The following CWC27 variants were observed in gnomAD, a reference collection of about 807,000 sequenced individuals.
CWC27 encodes the protein CWC27 spliceosome associated cyclophilin, also known as spliceosome-associated protein CWC27 homolog.
A neutral mutation model predicts 63.6 loss-of-function variants in CWC27; 47 were observed. That is an observed-to-expected ratio of 0.74 (90% CI 0.58 to 0.94). The LOEUF (loss-of-function observed/expected upper bound fraction) is 0.94, where lower values mean the gene tolerates loss of function less well. CWC27 is among the 40% of genes least tolerant of loss of function. The probability of loss-of-function intolerance (pLI) is 0.00; values close to 1 mark genes in which losing one functional copy is unlikely to be tolerated. For synonymous variants in CWC27, 175 were observed against 179.8 expected, an observed-to-expected ratio of 0.97 and a Z score of 0.22; for missense variants, 495 against 554.3, an observed-to-expected ratio of 0.89 and a Z score of 1.07.
At chr5:64,827,126 A>G (rs73101344) in intron 10 of CWC27, among the ~76,000 whole-genome samples, 2,707 of 152,236 alleles carry the variant, frequency 0.018, 68 homozygotes, top group African/African-American at 0.061. Flanking sequence ...GATTCCCCCA[A>G]TCCTCTAAAT....
intron 10 of CWC27, among the ~76,000 whole-genome samples, chr5:64,818,445 C>CT (rs1745105930): frequency 6.6e-6 from 1 of 152,130 alleles, no homozygotes; most frequent in Non-Finnish European, 1.5e-5. Flanking sequence ...TCCGGATATG[C>CT]TTTTTTTGCT....
At position 64,873,968 on chromosome 5, in the gene CWC27, T is replaced by A. The variant is rs559645045; in HGVS notation, c.939-11475T>A. 5.3e-5 allele frequency among the ~76,000 whole-genome samples: 8 copies of A among 152,218 alleles called. No homozygotes were observed. In the South Asian group the frequency reaches 1.2e-3, roughly 24 times the overall value. ...ATGTTCTTGGTGCTTTTGTTGAAAA[T>A]CAGTTGACTGTAAATATGTGTGATA... On this transcript the variant is annotated intron_variant, in intron 10 of 13. Coordinates refer to ENST00000381070, the MANE Select transcript of CWC27 (RefSeq NM_005869.4).
chr5:64,903,932 T>A (rs1747566063), intron 11 of CWC27, among the ~76,000 whole-genome samples: 1 of 152,198 alleles, frequency 6.6e-6, no homozygotes, highest in African/African-American at 2.4e-5. Flanking sequence ...CAAATAATAT[T>A]CCATTGTATG....
At chr5:64,826,269 A>G (rs1324500220) in intron 10 of CWC27, among the ~76,000 whole-genome samples, 4 of 152,152 alleles carry the variant, frequency 2.6e-5, no homozygotes, top group Non-Finnish European at 2.9e-5. Context: ...ATTTAGAAGT[A>G]TGCTGTTTAA....
At chr5:64,787,010 G>T (rs932694028) in intron 6 of CWC27, among the ~76,000 whole-genome samples, 6 of 152,098 alleles carry the variant, frequency 3.9e-5, no homozygotes, top group African/African-American at 1.4e-4. Flanking sequence ...AAGGCAGCAG[G>T]GGAGAGAGCG....
chr5:64,966,467 C>T (rs1734203489), intron 11 of CWC27, among the ~76,000 whole-genome samples: 1 of 152,114 alleles, frequency 6.6e-6, no homozygotes, highest in Non-Finnish European at 1.5e-5. Context: ...ACATGTCAGA[C>T]AGTATTTTAT....
At chr5:64,899,513 A>G (rs1279224808) in intron 11 of CWC27, among the ~76,000 whole-genome samples, 1 of 152,234 alleles carries the variant, frequency 6.6e-6, no homozygotes, top group Non-Finnish European at 1.5e-5. Context: ...GTATGAATCT[A>G]TGACAACACG....
At chr5:64,813,398 A>G (rs1744942442) in intron 10 of CWC27, among the ~76,000 whole-genome samples, 1 of 152,210 alleles carries the variant, frequency 6.6e-6, no homozygotes, top group African/African-American at 2.4e-5. Context: ...ACAAACAAAA[A>G]AAATCCTTGA....
chr5:64,825,442 G>A (rs1275808401), intron 10 of CWC27, among the ~76,000 whole-genome samples: 1 of 152,182 alleles, frequency 6.6e-6, no homozygotes, highest in Non-Finnish European at 1.5e-5. Context: ...AGTTTCCTAT[G>A]TTATTAAAAG....
chr5:64,897,385 C>A (rs1157638636), intron 11 of CWC27, among the ~76,000 whole-genome samples: 1 of 152,164 alleles, frequency 6.6e-6, no homozygotes, highest in Non-Finnish European at 1.5e-5. Context: ...CACATATACA[C>A]CATGGAATAC....
Position 64,884,536 on chromosome 5 carries a change from C to A in CWC27, c.939-907C>A, listed in dbSNP as rs552735091. ...TATCTAGACTTCAGATTCCACTAAACCTTGGCTTTAATATCTTTGATAAAC... is the reference window on the plus strand; with the variant it reads ...TATCTAGACTTCAGATTCCACTAAAACTTGGCTTTAATATCTTTGATAAAC... On this transcript the variant is annotated intron_variant, in intron 10 of 13. Transcript: ENST00000381070. 7.9e-5 allele frequency among the ~76,000 whole-genome samples: 12 copies of A among 152,284 alleles called. No homozygotes were observed. In the South Asian group the frequency reaches 2.3e-3, roughly 29 times the overall value.
intron 10 of CWC27, among the ~76,000 whole-genome samples, chr5:64,824,484 T>C (rs1745301203): frequency 6.6e-6 from 1 of 151,084 alleles, no homozygotes. Context: ...GGTGAATGAT[T>C]AGTAAGTGGA....
intron 8 of CWC27, among the ~76,000 whole-genome samples, chr5:64,800,593 C>T (rs1412558084): frequency 6.6e-6 from 1 of 152,146 alleles, no homozygotes; most frequent in Non-Finnish European, 1.5e-5. Flanking sequence ...GGACTAGAAA[C>T]TGTTTGCTTT....
chr5:64,791,702 CTTCTT>C (rs1744085378), intron 7 of CWC27, among the ~76,000 whole-genome samples: 1 of 152,074 alleles, frequency 6.6e-6, no homozygotes, highest in Non-Finnish European at 1.5e-5. Context: ...CTGGTTTACT[CTTCTT>C]TTCTCCAGCT....
At chr5:64,896,918 A>T (rs1747389704) in intron 11 of CWC27, among the ~76,000 whole-genome samples, 1 of 152,188 alleles carries the variant, frequency 6.6e-6, no homozygotes, top group Non-Finnish European at 1.5e-5. Context: ...TCTTCAAAAT[A>T]TTGGACAATC....
intron 10 of CWC27, among the ~76,000 whole-genome samples, chr5:64,821,413 C>T (rs1004695877): frequency 2.6e-5 from 4 of 152,078 alleles, no homozygotes; most frequent in South Asian, 2.1e-4. Flanking sequence ...GGCAAATAAA[C>T]GTGAAAATAT....
At chr5:64,847,457 A>G (rs961423915) in intron 10 of CWC27, among the ~76,000 whole-genome samples, 2 of 152,236 alleles carry the variant, frequency 1.3e-5, no homozygotes, top group African/African-American at 4.8e-5. Context: ...TCTATACCTC[A>G]CTTTCAAAAA....
intron 11 of CWC27, among the ~76,000 whole-genome samples, chr5:64,955,364 C>T (rs1748785624): frequency 6.6e-6 from 1 of 152,180 alleles, no homozygotes; most frequent in Admixed American, 6.6e-5. Context: ...CTCACCCTAA[C>T]TTAAATGGTA....
At chr5:64,975,784 G>A (rs2112445742) in intron 12 of CWC27, among the ~76,000 whole-genome samples, 1 of 152,222 alleles carries the variant, frequency 6.6e-6, no homozygotes, top group Middle Eastern at 3.4e-3. Flanking sequence ...GCATATTTAG[G>A]CCAGGCATGG....
Sources: allele counts gnomAD v4.1 joint callset (sites outside exome capture counted in the v4.1 genomes callset), GRCh38; gene constraint gnomAD v4.1.1; transcripts MANE v1.5; gene names NCBI Gene and HGNC (gene_info 2026-07-23, HGNC 2026-07-21).